MAGI2: variants seen among roughly 807,000 people sequenced by gnomAD.
MAGI2 encodes the protein membrane-associated guanylate kinase, WW and PDZ domain-containing protein 2.
Under a neutral mutation model 133.3 loss-of-function variants are expected in MAGI2, and 35 were observed. That is an observed-to-expected ratio of 0.26 (90% confidence interval 0.20 to 0.35). The LOEUF (loss-of-function observed/expected upper bound fraction) is 0.35, where lower values mean the gene tolerates loss of function less well. Among genes scored for constraint, MAGI2 ranks in the 10% least tolerant of loss-of-function variants. MAGI2 has a pLI of 1.00. For synonymous variants in MAGI2, 729 were observed against 710.6 expected, an observed-to-expected ratio of 1.03 and a Z score of -0.41; for missense variants, 1,636 against 1,863.4, an observed-to-expected ratio of 0.88 and a Z score of 2.25.
chr7:79,187,685 AT>A (rs1247051873), intron 1 of MAGI2, among the ~76,000 whole-genome samples: 1 of 151,840 alleles, frequency 6.6e-6, no homozygotes, highest in Non-Finnish European at 1.5e-5. Flanking sequence ...TTTACTAAAA[AT>A]TTTACGGATT....
chr7:79,018,578 C>T (rs1233179294), intron 1 of MAGI2, among the ~76,000 whole-genome samples: 8 of 152,042 alleles, frequency 5.3e-5, no homozygotes, highest in Non-Finnish European at 8.8e-5. Context: ...AGAGTAAATG[C>T]CCCAATTAAA....
chr7:78,587,731 C>CTCGG (rs1168440926), intron 3 of MAGI2, among the ~76,000 whole-genome samples: 1 of 152,192 alleles, frequency 6.6e-6, no homozygotes, highest in Non-Finnish European at 1.5e-5. Context: ...AGAGCAAATA[C>CTCGG]TCGGCCGTAG....
At chr7:78,874,052 A>G (rs1411614064) in intron 2 of MAGI2, among the ~76,000 whole-genome samples, 1 of 152,246 alleles carries the variant, frequency 6.6e-6, no homozygotes, top group Non-Finnish European at 1.5e-5. Flanking sequence ...TATCTTTCTT[A>G]TGTTAATGAG....
intron 1 of MAGI2, among the ~76,000 whole-genome samples, chr7:79,137,757 C>A (rs1821728920): frequency 6.6e-6 from 1 of 152,098 alleles, no homozygotes; most frequent in Admixed American, 6.5e-5. Flanking sequence ...GCCACCATGA[C>A]CAGCCCAAAT....
At chr7:78,544,396 G>C (rs1176605596) in intron 3 of MAGI2, among the ~76,000 whole-genome samples, 3 of 152,210 alleles carry the variant, frequency 2.0e-5, no homozygotes, top group Non-Finnish European at 4.4e-5. Flanking sequence ...GGTCTTTTTA[G>C]ATGGGAGCAG....
At chr7:78,110,443 T>C (rs1034861544) in intron 20 of MAGI2, among the ~76,000 whole-genome samples, 2 of 152,184 alleles carry the variant, frequency 1.3e-5, no homozygotes, top group Non-Finnish European at 2.9e-5. Flanking sequence ...GAAAAATGAA[T>C]GCGCTGAACA....
chr7:78,640,706 T>G (rs1810200997), intron 2 of MAGI2, among the ~76,000 whole-genome samples: 1 of 152,220 alleles, frequency 6.6e-6, no homozygotes, highest in African/African-American at 2.4e-5. Context: ...AGTTCATACC[T>G]GGTAGGGTGA....
At chr7:79,125,143 A>G (rs768085396) in intron 1 of MAGI2, 20 of 318,286 alleles carry the variant, frequency 6.3e-5, no homozygotes, top group Non-Finnish European at 1.2e-4. Context: ...TAAAATCATT[A>G]CTGACAGAGG....
intron 2 of MAGI2, among the ~76,000 whole-genome samples, chr7:78,673,292 A>G (rs961680141): frequency 4.6e-5 from 7 of 152,068 alleles, no homozygotes; most frequent in Non-Finnish European, 7.4e-5. Context: ...TCACACACAC[A>G]GACACACACA....
intron 9 of MAGI2, among the ~76,000 whole-genome samples, chr7:78,290,674 C>A (rs1320749628): frequency 1.3e-5 from 2 of 152,138 alleles, no homozygotes; most frequent in African/African-American, 4.8e-5. Context: ...TGCACTTATT[C>A]CAAAATTGAC....
Position 79,263,941 on chromosome 7 carries a change from G to C in MAGI2, c.301+189079C>G, listed in dbSNP as rs866925173. ...CACATGTGAGAGTATTTTTAGTATG[G>C]AGACCCTGATCCCCAATCTCAAACA... On this transcript the variant is annotated intron_variant, in intron 1 of 21. Transcript: ENST00000354212. Among the ~76,000 whole-genome samples the C allele has an allele frequency of 2.6e-4, 40 of 152,198 alleles. No individual in the cohort carries two copies. In the Middle Eastern group the frequency reaches 0.017, roughly 65 times the overall value.
chr7:79,064,665 A>G (rs1201230540), intron 1 of MAGI2, among the ~76,000 whole-genome samples: 1 of 152,046 alleles, frequency 6.6e-6, no homozygotes, highest in African/African-American at 2.4e-5. Flanking sequence ...TGTGTCAGAG[A>G]CTAATTTTCC....
intron 10 of MAGI2, among the ~76,000 whole-genome samples, chr7:78,244,711 A>T (rs1791574834): frequency 6.6e-6 from 1 of 152,204 alleles, no homozygotes; most frequent in Non-Finnish European, 1.5e-5. Context: ...TAAGCATAAT[A>T]TGATTGAACA....
At chr7:79,350,193 A>G (rs1285576005) in intron 1 of MAGI2, among the ~76,000 whole-genome samples, 4 of 152,116 alleles carry the variant, frequency 2.6e-5, no homozygotes, top group Non-Finnish European at 5.9e-5. Flanking sequence ...AAAAGCCTGC[A>G]TGTTCCTTTA....
At chr7:79,212,795 GAACAA>G (rs922622439) in intron 1 of MAGI2, among the ~76,000 whole-genome samples, 7 of 152,138 alleles carry the variant, frequency 4.6e-5, no homozygotes, top group Admixed American at 2.6e-4. Flanking sequence ...CTGGAGAACA[GAACAA>G]AACAAAACAA....
chr7:78,861,945 C>T (rs887061214), intron 2 of MAGI2, among the ~76,000 whole-genome samples: 1 of 152,140 alleles, frequency 6.6e-6, no homozygotes. Flanking sequence ...TGGAGCTGTT[C>T]TTACTGACCT....
intron 10 of MAGI2, among the ~76,000 whole-genome samples, chr7:78,241,770 T>C (rs776537983): frequency 1.3e-5 from 2 of 151,856 alleles, no homozygotes; most frequent in Non-Finnish European, 2.9e-5. Flanking sequence ...CTGTCTCTAC[T>C]ACTAATAAAA....
chr7:78,553,345 A>G (rs1414643163), intron 3 of MAGI2, among the ~76,000 whole-genome samples: 2 of 152,210 alleles, frequency 1.3e-5, no homozygotes, highest in Non-Finnish European at 2.9e-5. Context: ...TCATCAATGA[A>G]ATAAATATGT....
intron 6 of MAGI2, among the ~76,000 whole-genome samples, chr7:78,461,393 C>CGT (rs10654835): frequency 0.041 from 5,704 of 138,080 alleles, 105 homozygotes; most frequent in East Asian, 0.081. Flanking sequence ...CGTGTGTGTG[C>CGT]GTGTGTGTGT....
Sources: gnomAD v4.1 joint callset for allele counts (sites outside exome capture counted in the v4.1 genomes callset) on GRCh38, gnomAD v4.1.1 for gene constraint, MANE v1.5 for transcripts, NCBI Gene and HGNC (gene_info 2026-07-23, HGNC 2026-07-21) for gene names.